The following FANCC variants were observed in gnomAD, a reference collection of about 807,000 sequenced individuals.
FANCC encodes FA complementation group C.
Under a neutral mutation model 71.3 loss-of-function variants are expected in FANCC, and 55 were observed. That is an observed-to-expected ratio of 0.77 (90% CI 0.62 to 0.97). The LOEUF is 0.97. FANCC is among the 50% of genes least tolerant of loss of function. The pLI, the probability that FANCC is intolerant of heterozygous loss-of-function variation, is 0.00. For synonymous variants in FANCC, 275 were observed against 244.9 expected (o/e 1.12, Z -1.15); for missense variants, 678 against 670.9 (o/e 1.01, Z -0.12).
At chr9:95,228,132 G>A in intron 4 of FANCC, among the ~76,000 whole-genome samples, 1 of 152,126 alleles carries the variant, frequency 6.6e-6, no homozygotes, top group Non-Finnish European at 1.5e-5. Context: ...ACACCTGCTT[G>A]TACACAGTAG....
intron 4 of FANCC, among the ~76,000 whole-genome samples, chr9:95,221,668 T>C (rs910041484): frequency 2.0e-5 from 3 of 152,318 alleles, no homozygotes; most frequent in Admixed American, 2.0e-4. Flanking sequence ...TAAAGGGTAG[T>C]CTTACACACC....
intron 4 of FANCC, chr9:95,186,392 C>T (rs1429294427): frequency 3.3e-5 from 5 of 152,296 alleles, no homozygotes; most frequent in Admixed American, 6.5e-5. Flanking sequence ...CAAGTTGTGA[C>T]AACCACACGT....
chr9:95,265,660 T>C (rs777408536), intron 1 of FANCC, among the ~76,000 whole-genome samples: 2 of 152,212 alleles, frequency 1.3e-5, no homozygotes, highest in Non-Finnish European at 2.9e-5. Context: ...ACATTAGTTA[T>C]TAAAATATTA....
intron 1 of FANCC, among the ~76,000 whole-genome samples, chr9:95,301,601 T>C (rs1269363007): frequency 6.6e-6 from 1 of 151,986 alleles, no homozygotes; most frequent in Non-Finnish European, 1.5e-5. Context: ...CTAATTCTTT[T>C]TTTCTAGAGC....
At chr9:95,191,054 G>A (rs1413792779) in intron 4 of FANCC, among the ~76,000 whole-genome samples, 1 of 152,022 alleles carries the variant, frequency 6.6e-6, no homozygotes, top group Non-Finnish European at 1.5e-5. Flanking sequence ...TGTCATGAAG[G>A]GCTGGACTCC....
chr9:95,152,926 A>C (rs983728792), intron 6 of FANCC, among the ~76,000 whole-genome samples: 3 of 152,190 alleles, frequency 2.0e-5, no homozygotes, highest in Admixed American at 1.3e-4. Flanking sequence ...TACCAACGAT[A>C]GTTGATGAGC....
At chr9:95,299,883 A>G (rs945141904) in intron 1 of FANCC, among the ~76,000 whole-genome samples, 1 of 152,128 alleles carries the variant, frequency 6.6e-6, no homozygotes, top group Non-Finnish European at 1.5e-5. Flanking sequence ...ACACACACAC[A>G]CACAAAATGG....
Position 95,117,470 on chromosome 9 carries a change from C to G in FANCC, c.997-80G>C, listed in dbSNP as rs1381963850. The stretch of plus-strand genomic sequence containing the variant: ...AGGAAAATACAAAACTCTGAGTCCT[C>G]TGCCCAAAAAAGACCCACCAGTACT... On this transcript the variant is annotated intron_variant, in intron 10 of 14. Transcript: ENST00000289081. 6 of 1,220,204 alleles carry G rather than the reference C, an allele frequency of 4.9e-6. No homozygotes were observed. In the African/African-American group the frequency reaches 8.9e-5, roughly 18 times the overall value. 75.6% of individuals were successfully genotyped at this position (1,220,204 alleles called of 1,614,324 possible).
intron 11 of FANCC, among the ~76,000 whole-genome samples, chr9:95,116,270 G>C (rs886184619): frequency 6.6e-6 from 1 of 152,226 alleles, no homozygotes; most frequent in African/African-American, 2.4e-5. Flanking sequence ...CCCTGGGAGA[G>C]TGAATTCCTC....
chr9:95,302,111 A>AC, intron 1 of FANCC, among the ~76,000 whole-genome samples: 1 of 151,654 alleles, frequency 6.6e-6, no homozygotes, highest in East Asian at 1.9e-4. Context: ...AGAAAAAAAC[A>AC]AAAGAAAAAA....
intron 1 of FANCC, among the ~76,000 whole-genome samples, chr9:95,280,892 TA>T (rs1286018194): frequency 1.3e-5 from 2 of 152,036 alleles, no homozygotes; most frequent in African/African-American, 4.8e-5. Context: ...ATCCAGGAGC[TA>T]AAAACTACAA....
chr9:95,123,688 G>T (rs780773688), intron 10 of FANCC: 4 of 670,742 alleles, frequency 6.0e-6, no homozygotes, highest in South Asian at 5.4e-5. Context: ...TTTCTGAAGC[G>T]AGCGTCTTTG....
chr9:95,312,950 G>A (rs905717398), intron 1 of FANCC, among the ~76,000 whole-genome samples: 5 of 152,178 alleles, frequency 3.3e-5, no homozygotes, highest in African/African-American at 4.8e-5. Context: ...CCTCTAGGGC[G>A]CCAGGAAAAG....
chr9:95,218,508 G>A (rs1283752634), intron 4 of FANCC, among the ~76,000 whole-genome samples: 4 of 152,056 alleles, frequency 2.6e-5, no homozygotes, highest in African/African-American at 7.2e-5. Context: ...TCGAAACAAA[G>A]ACACTGTAAG....
chr9:95,184,230 A>G (rs1826567918), intron 4 of FANCC, among the ~76,000 whole-genome samples: 1 of 152,176 alleles, frequency 6.6e-6, no homozygotes, highest in African/African-American at 2.4e-5. Context: ...ATGTTATTAT[A>G]CTGGAATTGT....
chr9:95,225,131 G>A (rs1226244453), intron 4 of FANCC, among the ~76,000 whole-genome samples: 1 of 152,178 alleles, frequency 6.6e-6, no homozygotes, highest in East Asian at 1.9e-4. Flanking sequence ...TGGGAGGGAT[G>A]TCAGCCCCCT....
intron 1 of FANCC, among the ~76,000 whole-genome samples, chr9:95,300,608 G>A (rs1348963949): frequency 1.3e-5 from 2 of 151,978 alleles, no homozygotes; most frequent in Non-Finnish European, 2.9e-5. Flanking sequence ...CTGCCACCAC[G>A]CCTGGCTAAT....
At chr9:95,150,213 ACT>A (rs1830099994) in intron 6 of FANCC, 126 bp from the exon 7 acceptor site, 1 of 857,666 alleles carries the variant, frequency 1.2e-6, no homozygotes, top group African/African-American at 1.7e-5. Flanking sequence ...AAAGAGAATG[ACT>A]CTAACACCAT....
At chr9:95,304,476 T>C (rs542253036) in intron 1 of FANCC, among the ~76,000 whole-genome samples, 9 of 151,910 alleles carry the variant, frequency 5.9e-5, no homozygotes, top group Non-Finnish European at 1.2e-4. Flanking sequence ...CCAGGAGTGT[T>C]GGCTCACACC....
Sources: gnomAD v4.1 joint callset for allele counts (sites outside exome capture counted in the v4.1 genomes callset) on GRCh38, gnomAD v4.1.1 for gene constraint, MANE v1.5 for transcripts, NCBI Gene and HGNC (gene_info 2026-07-23, HGNC 2026-07-21) for gene names.